The following REPS2 variants were observed in gnomAD, a reference collection of about 807,000 sequenced individuals.
REPS2 encodes the protein RALBP1 associated Eps domain containing 2.
A neutral mutation model predicts 53.6 loss-of-function variants in REPS2; 23 were observed. The ratio of observed to expected loss-of-function variants is 0.43; its 90% CI spans 0.31 to 0.61. REPS2 has a LOEUF of 0.61. Ranked by LOEUF, REPS2 falls within the 20% of genes least tolerant of loss-of-function variation. The pLI, the probability that REPS2 is intolerant of heterozygous loss-of-function variation, is 0.11. For synonymous variants in REPS2, 238 were observed against 218.6 expected (o/e 1.09, Z -0.78); for missense variants, 446 against 534.9 (o/e 0.83, Z 1.64).
chrX:17,021,394 A>C (rs1317247282), intron 2 of REPS2, among the ~76,000 whole-genome samples: 4 of 112,754 alleles, frequency 3.5e-5, no homozygotes, highest in Non-Finnish European at 7.5e-5. Context: ...TGACAGAAGA[A>C]TGTGGCTGAA....
chrX:17,136,266 T>C (rs2063364761), intron 16 of REPS2: 1 of 112,533 alleles, frequency 8.9e-6, no homozygotes, highest in Non-Finnish European at 1.9e-5. Context: ...CTGTGGGAGA[T>C]GTTAGCAACT....
intron 13 of REPS2, among the ~76,000 whole-genome samples, chrX:17,082,855 T>C (rs758813258): frequency 9.0e-6 from 1 of 111,704 alleles, no homozygotes; most frequent in African/African-American, 3.3e-5. Flanking sequence ...AATGCCTATT[T>C]GTATCTTTTT....
intron 1 of REPS2, 34 bp downstream of exon 1, chrX:16,947,168 G>A (rs754811998): frequency 1.0e-6 from 1 of 1,003,913 alleles, no homozygotes; most frequent in Admixed American, 4.8e-5. Flanking sequence ...CTGCGGGTCT[G>A]TGGGGCAGTG....
At chrX:17,196,492 G>C in the REPS2 span, among the ~76,000 whole-genome samples, 1 of 111,597 alleles carries the variant, frequency 9.0e-6, no homozygotes, top group Non-Finnish European at 1.9e-5. Flanking sequence ...AGAGGCCCCA[G>C]AGAGCTGCCT....
intron 14 of REPS2, among the ~76,000 whole-genome samples, chrX:17,132,006 G>C (rs1408605250): frequency 9.2e-6 from 1 of 108,498 alleles, no homozygotes; most frequent in African/African-American, 3.4e-5. Context: ...ATCATTAACA[G>C]TATACAACTT....
At chrX:17,158,438 A>T in the REPS2 span, among the ~76,000 whole-genome samples, 1 of 111,752 alleles carries the variant, frequency 8.9e-6, no homozygotes, top group African/African-American at 3.3e-5. Context: ...CAGAAAACCT[A>T]CCATGCAGAA....
At chrX:16,954,805 C>CTTTTTTT (rs58924467) in intron 1 of REPS2, among the ~76,000 whole-genome samples, 5 of 59,335 alleles carry the variant, frequency 8.4e-5, no homozygotes, top group Non-Finnish European at 1.5e-4. Flanking sequence ...TTATTTATAA[C>CTTTTTTT]TTTTTTTTTT....
intron 1 of REPS2, among the ~76,000 whole-genome samples, chrX:16,948,479 G>A (rs1398918431): frequency 2.7e-5 from 3 of 112,227 alleles, no homozygotes; most frequent in Non-Finnish European, 5.6e-5. Flanking sequence ...TATTACATGA[G>A]GCCCTCAGAA....
chrX:17,066,150 G>A (rs1387525866), intron 9 of REPS2, among the ~76,000 whole-genome samples: 1 of 112,188 alleles, frequency 8.9e-6, no homozygotes, highest in African/African-American at 3.2e-5. Flanking sequence ...GATTATGCCA[G>A]TACCACAGTG....
intron 13 of REPS2, among the ~76,000 whole-genome samples, chrX:17,100,762 A>G (rs1185066843): frequency 8.9e-6 from 1 of 111,945 alleles, no homozygotes; most frequent in Non-Finnish European, 1.9e-5. Flanking sequence ...TACTGAAAAG[A>G]GGAAACAAAG....
At chrX:17,099,933 C>T (rs1048471237) in intron 13 of REPS2, 9 of 1,131,184 alleles carry the variant, frequency 8.0e-6, no homozygotes, top group Non-Finnish European at 1.1e-5. Flanking sequence ...CATGAGCTCT[C>T]CACTGGAGTC....
intron 1 of REPS2, among the ~76,000 whole-genome samples, chrX:16,958,397 T>G (rs887017605): frequency 9.0e-6 from 1 of 111,212 alleles, no homozygotes; most frequent in Non-Finnish European, 1.9e-5. Context: ...AAGGAAGCCA[T>G]AGGAAATTGG....
At chrX:16,989,265 AACT>A (rs1211457937) in intron 1 of REPS2, among the ~76,000 whole-genome samples, 6 of 110,636 alleles carry the variant, frequency 5.4e-5, no homozygotes, top group African/African-American at 9.9e-5. Flanking sequence ...AAAAAAAAAA[AACT>A]CTTGCTGTAA....
intron 2 of REPS2, among the ~76,000 whole-genome samples, chrX:17,019,150 A>C (rs1442280738): frequency 8.9e-6 from 1 of 112,088 alleles, no homozygotes; most frequent in African/African-American, 3.2e-5. Context: ...AATATGGAAA[A>C]ACAAAGGATT....
chrX:16,979,617 T>A (rs1391383481), intron 1 of REPS2, among the ~76,000 whole-genome samples: 2 of 112,041 alleles, frequency 1.8e-5, no homozygotes, highest in Non-Finnish European at 3.8e-5. Context: ...TATTAACATT[T>A]ATTTAATGTT....
At chrX:16,964,349 A>G (rs1164622615) in intron 1 of REPS2, among the ~76,000 whole-genome samples, 1 of 109,500 alleles carries the variant, frequency 9.1e-6, no homozygotes, top group Admixed American at 9.7e-5. Flanking sequence ...GTTGGGGGTA[A>G]GGTCACCGAT....
chrX:17,186,793 C>T, the REPS2 span, among the ~76,000 whole-genome samples: 9 of 110,888 alleles, frequency 8.1e-5, no homozygotes, highest in East Asian at 2.6e-3. Flanking sequence ...TGATGGTGAC[C>T]CTCCTGTACC....
intron 1 of REPS2, among the ~76,000 whole-genome samples, chrX:16,968,817 CG>C (rs1415413646): frequency 8.8e-5 from 9 of 101,962 alleles, no homozygotes; most frequent in Non-Finnish European, 1.6e-4. Context: ...GCTGGCCGGG[CG>C]GGGGGCTGAC....
At chrX:17,120,875 A>G (rs1480079350) in intron 14 of REPS2, among the ~76,000 whole-genome samples, 1 of 111,990 alleles carries the variant, frequency 8.9e-6, no homozygotes, top group South Asian at 3.7e-4. Context: ...ATCGGGGAAC[A>G]TGAGTCTTGA....
Sources: gnomAD v4.1 joint callset for allele counts (sites outside exome capture counted in the v4.1 genomes callset) on GRCh38, gnomAD v4.1.1 for gene constraint, MANE v1.5 for transcripts, NCBI Gene and HGNC (gene_info 2026-07-23, HGNC 2026-07-21) for gene names.